LINGO2: variants seen among roughly 807,000 people sequenced by gnomAD.
LINGO2 encodes leucine-rich repeat and immunoglobulin-like domain-containing nogo receptor-interacting protein 2.
In LINGO2, 14 loss-of-function variants were observed where a neutral mutation model predicts 30.6. The ratio of observed to expected loss-of-function variants is 0.46; its 90% CI spans 0.30 to 0.72. The LOEUF (loss-of-function observed/expected upper bound fraction) is 0.72, where lower values mean the gene tolerates loss of function less well. LINGO2 is among the 30% of genes least tolerant of loss of function. LINGO2 has a pLI of 0.07. For missense variants in LINGO2, 729 were observed against 751.7 expected (o/e 0.97, Z 0.35); for synonymous variants, 317 against 288.5 (o/e 1.10, Z -1.00).
intron 4 of LINGO2, among the ~76,000 whole-genome samples, chr9:28,232,861 G>GA (rs200579054): frequency 1.4e-4 from 20 of 147,150 alleles, no homozygotes; most frequent in African/African-American, 2.5e-4. Context: ...TGCATCTGGG[G>GA]AAAAAAAAAG....
chr9:29,063,389 T>C, the LINGO2 span, among the ~76,000 whole-genome samples: 22 of 151,774 alleles, frequency 1.4e-4, no homozygotes, highest in Non-Finnish European at 2.9e-4. Context: ...TTTAGTCCTA[T>C]AGCAATCTAT....
chr9:28,013,597 G>C (rs1327758859), intron 4 of LINGO2, among the ~76,000 whole-genome samples: 1 of 152,198 alleles, frequency 6.6e-6, no homozygotes, highest in East Asian at 1.9e-4. Context: ...GAGTGAATGA[G>C]AAGAAGCTGA....
chr9:28,119,982 G>A (rs138728524), intron 4 of LINGO2, among the ~76,000 whole-genome samples: 1 of 152,282 alleles, frequency 6.6e-6, no homozygotes, highest in Non-Finnish European at 1.5e-5. Flanking sequence ...CTATTGTGGA[G>A]AAGATAGAGA....
chr9:28,414,770 G>T (rs1183457309), intron 2 of LINGO2, among the ~76,000 whole-genome samples: 1 of 151,984 alleles, frequency 6.6e-6, no homozygotes, highest in Non-Finnish European at 1.5e-5. Context: ...CTGTGTTTTT[G>T]CCACAGTAAT....
intron 1 of LINGO2, among the ~76,000 whole-genome samples, chr9:28,645,495 T>G (rs987375259): frequency 2.0e-5 from 3 of 152,112 alleles, no homozygotes; most frequent in Non-Finnish European, 4.4e-5. Flanking sequence ...AGTAGCAATT[T>G]GATAAAAGGC....
At chr9:28,532,380 T>G (rs1164775957) in intron 1 of LINGO2, among the ~76,000 whole-genome samples, 1 of 152,142 alleles carries the variant, frequency 6.6e-6, no homozygotes, top group Admixed American at 6.5e-5. Context: ...TGTTTTTTGT[T>G]GTTGTTAATA....
rs1488420502 is a variant in LINGO2, at chr9:28,140,935, TTAATA to T, written c.-86-128535_-86-128531del. The stretch of plus-strand genomic sequence containing the variant: ...GTAATATACTTAATATAATCTTTAC[TTAATA>T]TAATATAAATAATATATACTTAATA... On this transcript the variant is annotated intron_variant, in intron 4 of 5. Transcript: ENST00000379992. Among the ~76,000 whole-genome samples, 21 of 150,112 alleles carry T rather than the reference TTAATA, an allele frequency of 1.4e-4. No homozygotes were observed. The East Asian group carries it at 3.1e-3, about 22-fold the overall frequency.
In LINGO2 at chr9:28,312,035, G is replaced by A. The variant is rs570899003; in HGVS notation, c.-245-16669C>T. ...TGCCATGGCTTCAGCCAGTCCCTCCGTTCGGGGTCCCTGACTTCCCACAAC... is the reference window on the plus strand; with the variant it reads ...TGCCATGGCTTCAGCCAGTCCCTCCATTCGGGGTCCCTGACTTCCCACAAC... On this transcript the variant is annotated intron_variant, in intron 3 of 5. Coordinates refer to ENST00000379992, the Ensembl canonical transcript of LINGO2. Among the ~76,000 whole-genome samples the A allele has an allele frequency of 8.5e-5, 13 of 152,132 alleles. No homozygotes were observed. In the South Asian group the frequency reaches 1.0e-3, roughly 12 times the overall value.
chr9:28,255,050 T>C (rs1822336954), intron 4 of LINGO2, among the ~76,000 whole-genome samples: 1 of 151,964 alleles, frequency 6.6e-6, no homozygotes, highest in South Asian at 2.1e-4. Context: ...TTTACTAGAG[T>C]TCCTTTGTTA....
the LINGO2 span, among the ~76,000 whole-genome samples, chr9:28,715,066 T>C: frequency 2.0e-5 from 3 of 152,194 alleles, no homozygotes; most frequent in African/African-American, 7.2e-5. Flanking sequence ...AATTCTAGCA[T>C]ACTGTAACCT....
At chr9:29,020,186 C>T in the LINGO2 span, among the ~76,000 whole-genome samples, 3 of 151,818 alleles carry the variant, frequency 2.0e-5, no homozygotes, top group Non-Finnish European at 4.4e-5. Flanking sequence ...CATTCATCTT[C>T]TTGGGTGGGC....
intron 3 of LINGO2, among the ~76,000 whole-genome samples, chr9:28,325,644 G>A (rs913878380): frequency 4.6e-5 from 7 of 151,988 alleles, no homozygotes; most frequent in South Asian, 2.1e-4. Flanking sequence ...ATTCTGTCTC[G>A]TCTGTCACCA....
intron 2 of LINGO2, among the ~76,000 whole-genome samples, chr9:28,455,108 T>A (rs1056652938): frequency 6.6e-6 from 1 of 152,026 alleles, no homozygotes; most frequent in Non-Finnish European, 1.5e-5. Context: ...TTAAATAAAA[T>A]TTCCCTTCTG....
At chr9:28,711,057 C>T in the LINGO2 span, among the ~76,000 whole-genome samples, 2 of 151,902 alleles carry the variant, frequency 1.3e-5, no homozygotes, top group African/African-American at 2.4e-5. Context: ...TTAATTGTAC[C>T]TCATCTCTGT....
intron 1 of LINGO2, among the ~76,000 whole-genome samples, chr9:28,526,554 T>C (rs1821047400): frequency 6.6e-6 from 1 of 152,248 alleles, no homozygotes; most frequent in Admixed American, 6.5e-5. Flanking sequence ...GAAAAACTTG[T>C]ACACGAATGT....
chr9:28,955,891 C>A, the LINGO2 span, among the ~76,000 whole-genome samples: 4 of 152,032 alleles, frequency 2.6e-5, no homozygotes, highest in Non-Finnish European at 4.4e-5. Flanking sequence ...AATCCTCCCA[C>A]CTTGGCACTG....
chr9:29,033,207 T>G, the LINGO2 span, among the ~76,000 whole-genome samples: 2 of 152,018 alleles, frequency 1.3e-5, no homozygotes, highest in East Asian at 3.9e-4. Context: ...TCTGCCATGA[T>G]GCACTTCCAA....
At chr9:28,880,792 A>ACCGC in the LINGO2 span, among the ~76,000 whole-genome samples, 1 of 151,998 alleles carries the variant, frequency 6.6e-6, no homozygotes, top group Non-Finnish European at 1.5e-5. Flanking sequence ...TAGGAGAAAA[A>ACCGC]CCGCCCTATG....
rs72213590 is a variant in LINGO2 at position 28,441,251 on chromosome 9, C to CTTTTTTTTTTTTTTT, written c.-279+34674_-279+34688dup. ...TATAGCAGTATAAATTCATTGGAGG[C>CTTTTTTTTTTTTTTT]TTTTTTTTTTTTTTTTTTTTTTTTT... On this transcript the variant is annotated intron_variant, in intron 2 of 5. Transcript: ENST00000379992. Among the ~76,000 whole-genome samples the CTTTTTTTTTTTTTTT allele has an allele frequency of 5.0e-4, 18 of 36,286 alleles. 4 individuals are homozygous for CTTTTTTTTTTTTTTT. The highest frequency in any genetic ancestry group is 7.2e-4 in the East Asian group (1 of 1,392). 23.8% of individuals were successfully genotyped at this position (36,286 alleles called of 152,430 possible).
Sources: gnomAD v4.1 joint callset for allele counts (sites outside exome capture counted in the v4.1 genomes callset) on GRCh38, gnomAD v4.1.1 for gene constraint, MANE v1.5 for transcripts, NCBI Gene and HGNC (gene_info 2026-07-23, HGNC 2026-07-21) for gene names.